SAMD11: variants seen among roughly 807,000 people sequenced by gnomAD.
The protein encoded by SAMD11 is sterile alpha motif domain-containing protein 11.
SAMD11 carries 77 observed loss-of-function variants against 64.4 expected under a neutral mutation model. That is an observed-to-expected ratio of 1.20 (90% CI 0.99 to 1.44). The LOEUF (loss-of-function observed/expected upper bound fraction) is 1.44, where lower values mean the gene tolerates loss of function less well. Ranked by LOEUF, SAMD11 falls within the 40% of genes most tolerant of loss-of-function variation. The pLI is 0.00. For missense variants in SAMD11, 1,402 were observed against 943.3 expected (o/e 1.49, Z -6.37); for synonymous variants, 658 against 421.9 (o/e 1.56, Z -6.86).
At chr1:930,726 G>A (rs554138419) in intron 3 of SAMD11, among the ~76,000 whole-genome samples, 5 of 152,366 alleles carry the variant, frequency 3.3e-5, no homozygotes, top group South Asian at 2.1e-4. Context: ...CCCCACCTGC[G>A]GTACAACAGG....
chr1:929,920 C>T (rs970918768), intron 2 of SAMD11, among the ~76,000 whole-genome samples: 1 of 152,212 alleles, frequency 6.6e-6, no homozygotes, highest in African/African-American at 2.4e-5. Context: ...TCTCGGCTCT[C>T]CTCTGGGTCT....
In SAMD11 at chr1:941,254, G is replaced by A. The variant is rs766452596; in HGVS notation, c.1306G>A (p.Ala436Thr). The A allele has an allele frequency of 1.9e-6, 3 of 1,601,912 alleles. No individual in the cohort carries two copies. Among genetic ancestry groups the A allele is most frequent in the Non-Finnish European group, 2.6e-6 (3 of 1,175,050 alleles). ...TAGQRRKQGL[A>T]QHREGAAPAA... ...AGGTCAGCGTCGGAAGCAGGGCCTG[G>A]CTCAGCACCGGGAGGGCGCCGCCCC... Residue 436 changes from alanine to threonine, a missense_variant, in exon 8 of 14, where the codon GCT (alanine) becomes ACT (threonine). By Grantham distance (58) the Ala-to-Thr change is moderately conservative (BLOSUM62 0). Transcript: ENST00000616016.
At chr1:930,969 G>A (rs1249982757) in intron 3 of SAMD11, 70 bp from the exon 4 acceptor site, 60 of 1,490,558 alleles carry the variant, frequency 4.0e-5, no homozygotes, top group South Asian at 5.6e-5. Flanking sequence ...GTCTGCGCAC[G>A]CCCTGCTATC....
At chr1:941,067 T>C in intron 7 of SAMD11, 77 bp from the exon 8 acceptor site, 2 of 1,354,966 alleles carry the variant, frequency 1.5e-6, no homozygotes, top group African/African-American at 1.4e-5. Context: ...CCCACCTCAG[T>C]GTTCTACGCC....
At chr1:937,404 C>G (rs866847103) in intron 5 of SAMD11, among the ~76,000 whole-genome samples, 6 of 150,396 alleles carry the variant, frequency 4.0e-5, no homozygotes, top group Non-Finnish European at 8.9e-5. Flanking sequence ...CTGCCCCCCC[C>G]CCCACCCAGT....
intron 2 of SAMD11, among the ~76,000 whole-genome samples, chr1:927,501 C>T (rs1640950744): frequency 6.6e-6 from 1 of 152,196 alleles, no homozygotes; most frequent in South Asian, 2.1e-4. Flanking sequence ...CAGATCCAGG[C>T]CTGCCTCTGC....
rs769568158 is a variant in SAMD11, at chr1:942,438, G to A, written c.1503G>A (p.Ala501=). The A allele has an allele frequency of 3.4e-6, 5 of 1,486,888 alleles. No individual in the cohort carries two copies. In the South Asian group the frequency reaches 6.4e-5, roughly 19 times the overall value. 92.1% of individuals were successfully genotyped at this position (1,486,888 alleles called of 1,614,324 possible). Residue 501 remains alanine, a synonymous_variant, in exon 10 of 14, where the codon GCG becomes GCA. Coordinates refer to ENST00000616016, the MANE Select transcript of SAMD11 (RefSeq NM_001385641.1). ...ACGGCTTCCTGCCCCCCGCGCAGGC[G>A]GAGATGTTCGCCTGGCAGCAGGAGC... ...PGYGFLPPAQ[A]EMFAWQQELL...
At chr1:931,198 T>C in intron 4 of SAMD11, 109 bp downstream of exon 4, 1 of 956,106 alleles carries the variant, frequency 1.0e-6, no homozygotes, top group Non-Finnish European at 1.6e-6. Context: ...CGTGAGCTGA[T>C]GCTGTGATGC....
chr1:931,159 G>T, intron 4 of SAMD11, 70 bp downstream of exon 4: 1 of 1,127,236 alleles, frequency 8.9e-7, no homozygotes, highest in Non-Finnish European at 1.2e-6. Flanking sequence ...CCCTGACCGT[G>T]CCCTGCTGTC....
intron 4 of SAMD11, among the ~76,000 whole-genome samples, chr1:932,216 A>G (rs1641199260): frequency 6.6e-6 from 1 of 152,244 alleles, no homozygotes; most frequent in African/African-American, 2.4e-5. Flanking sequence ...GGGACACTAC[A>G]GAATACATTT....
chr1:931,318 G>A (rs1641162368), intron 4 of SAMD11, among the ~76,000 whole-genome samples: 1 of 152,228 alleles, frequency 6.6e-6, no homozygotes, highest in African/African-American at 2.4e-5. Flanking sequence ...CCAGTCAGAT[G>A]CAGCTCTCGG....
At chr1:943,615 G>A (rs1190176239) in intron 12 of SAMD11, 83 bp from the exon 13 acceptor site, 5 of 1,390,338 alleles carry the variant, frequency 3.6e-6, no homozygotes, top group Non-Finnish European at 3.8e-6. Context: ...TCCGTGAGCT[G>A]CACAAACAGC....
Position 944,052 on chromosome 1 carries a change from G to C in SAMD11, c.2434G>C (p.Gly812Arg). The C allele has an allele frequency of 1.9e-6, 3 of 1,612,778 alleles. No homozygotes were observed. The change falls in exon 14 of 14, where the codon GGA (glycine) becomes CGA (arginine). Residue 812 changes from glycine to arginine, a missense_variant. Gly to Arg is a moderately radical substitution (Grantham distance 125). Transcript: ENST00000616016. ...CCCCACGACGGCCACGTCCCCCTAT[G>C]GAGGGGGCCACGCCCTTGCCGGTCA... is the stretch of plus-strand genomic sequence containing the variant. ...LSPTTATSPYGGGHALAGQTS... is the reference protein window; with the variant it reads ...LSPTTATSPYRGGHALAGQTS...
intron 4 of SAMD11, among the ~76,000 whole-genome samples, chr1:933,074 C>T (rs1298371308): frequency 1.3e-5 from 2 of 152,202 alleles, no homozygotes; most frequent in African/African-American, 4.8e-5. Flanking sequence ...TCCCAGCTTC[C>T]CCACCTCCTG....
chr1:930,104 C>T, intron 2 of SAMD11, 51 bp from the exon 3 acceptor site: 2 of 1,521,828 alleles, frequency 1.3e-6, no homozygotes, highest in Non-Finnish European at 1.8e-6. Context: ...TCTCCTCCTG[C>T]CCCACCTTCC....
chr1:944,220 C>T lies in SAMD11; in HGVS notation c.*67C>T. On this transcript the variant is annotated 3_prime_UTR_variant, in exon 14 of 14. Transcript: ENST00000616016. ...GCCACCACTCAACACAATGGCCCTG[C>T]CTCCCACCGCTTTATTTCTTTCGGT... 6.8e-7 allele frequency: 1 copy of T among 1,470,314 alleles called. No homozygotes were observed. Among genetic ancestry groups the T allele is most frequent in the Non-Finnish European group, 9.0e-7 (1 of 1,111,972 alleles). 91.1% of individuals were successfully genotyped at this position (1,470,314 alleles called of 1,614,324 possible). A position where few individuals can be genotyped will look rare whatever the true frequency, so the allele number is the denominator to read the frequency against.
At position 943,357 on chromosome 1, in the gene SAMD11, G is replaced by A. The variant is rs919411688; in HGVS notation, c.2158G>A (p.Gly720Ser). The A allele has an allele frequency of 1.9e-6, 3 of 1,579,994 alleles. No homozygotes were observed. The highest frequency in any genetic ancestry group is 2.3e-5 in the South Asian group (2 of 87,060). ...CTGCAGCTTCGTGGGGGGCCTGTCT[G>A]GCTGTGGAGAGTACACTCGGGTAAG... Reference protein sequence around the residue: ...DVCSFVGGLSGCGEYTRVFRE... With the variant: ...DVCSFVGGLSSCGEYTRVFRE... The change falls in exon 12 of 14, where the codon GGC becomes AGC. Residue 720 changes from glycine (G) to serine (S), a missense_variant. Gly to Ser is a moderately conservative substitution (Grantham distance 56). Coordinates refer to ENST00000616016, the MANE Select transcript of SAMD11 (RefSeq NM_001385641.1).
intron 12 of SAMD11, 148 bp downstream of exon 12, chr1:943,525 CCTTTTTT>C (rs1641948605): frequency 6.1e-6 from 5 of 822,496 alleles, no homozygotes; most frequent in Admixed American, 3.8e-5. Context: ...GTGCACCCCA[CCTTTTTT>C]TTTTTTTTTT....
Position 925,851 on chromosome 1 carries a change from C to T in SAMD11, c.518-71C>T, listed in dbSNP as rs749334229. On this transcript the variant is annotated intron_variant, in intron 1 of 13. Coordinates refer to ENST00000616016, the MANE Select transcript of SAMD11 (RefSeq NM_001385641.1). The stretch of plus-strand genomic sequence containing the variant: ...TCGTCCACGAGCCGGGGAGGGGGTA[C>T]TGGCCCTGCCGCTGACTGCGCGCAG... The T allele has an allele frequency of 5.4e-6, 6 of 1,112,366 alleles. No homozygotes were observed. The Admixed American group carries it at 1.0e-4, about 19-fold the overall frequency. The allele number at this position is 1,112,366 out of a possible 1,614,324, so 68.9% of individuals were successfully genotyped here. A position where few individuals can be genotyped will look rare whatever the true frequency, so the allele number is the denominator to read the frequency against.
Sources: allele counts gnomAD v4.1 joint callset (sites outside exome capture counted in the v4.1 genomes callset), GRCh38; gene constraint gnomAD v4.1.1; transcripts MANE v1.5; gene names NCBI Gene and HGNC (gene_info 2026-07-23, HGNC 2026-07-21).